The following MORN1 variants were observed in gnomAD, a reference collection of about 807,000 sequenced individuals.
The protein encoded by MORN1 is MORN repeat containing 1, also known as MORN repeat-containing protein 1.
Under a neutral mutation model 61.9 loss-of-function variants are expected in MORN1, and 67 were observed. The observed-to-expected ratio is 1.08, with a 90% CI of 0.89 to 1.33. MORN1 has a LOEUF of 1.33. MORN1 is among the 40% of genes most tolerant of loss of function. The probability of loss-of-function intolerance (pLI) is 0.00; values close to 1 mark genes in which losing one functional copy is unlikely to be tolerated. For synonymous variants in MORN1, 301 were observed against 292.0 expected, an observed-to-expected ratio of 1.03 and a Z score of -0.31; for missense variants, 752 against 691.2, an observed-to-expected ratio of 1.09 and a Z score of -0.99.
chr1:2,326,511 G>C (rs1641029387), intron 12 of MORN1: 1 of 152,382 alleles, frequency 6.6e-6, no homozygotes, highest in South Asian at 2.1e-4. Flanking sequence ...CAGACGGCGA[G>C]CAGGCCCGAG....
intron 10 of MORN1, among the ~76,000 whole-genome samples, chr1:2,347,265 G>C (rs2100279919): frequency 6.6e-6 from 1 of 152,308 alleles, no homozygotes; most frequent in South Asian, 2.1e-4. Flanking sequence ...GGCTGCGACT[G>C]TGTGCCAGTG....
chr1:2,388,622 TTTAAA>T (rs1642562859), intron 2 of MORN1: 1 of 356,242 alleles, frequency 2.8e-6, no homozygotes. Context: ...TACACAAAAT[TTTAAA>T]AATTAGCCAG....
chr1:2,365,996 T>A (rs1641987382), intron 8 of MORN1, among the ~76,000 whole-genome samples: 1 of 146,604 alleles, frequency 6.8e-6, no homozygotes, highest in African/African-American at 2.5e-5. Context: ...CAAAGGACTA[T>A]AAATCATGCT....
At chr1:2,356,463 G>C (rs1231990505) in intron 10 of MORN1, among the ~76,000 whole-genome samples, 1 of 152,156 alleles carries the variant, frequency 6.6e-6, no homozygotes, top group Admixed American at 6.5e-5. Context: ...TGCGGCCTGT[G>C]TCCTCCCCAA....
chr1:2,324,347 C>T (rs1220858476), intron 12 of MORN1, among the ~76,000 whole-genome samples: 7 of 152,198 alleles, frequency 4.6e-5, no homozygotes, highest in Admixed American at 2.0e-4. Flanking sequence ...ACCTCGGAAC[C>T]GTGGGCTGCC....
intron 8 of MORN1, among the ~76,000 whole-genome samples, chr1:2,364,610 G>T (rs561390008): frequency 6.6e-6 from 1 of 150,890 alleles, no homozygotes; most frequent in South Asian, 2.1e-4. Flanking sequence ...ATTGCTTTCG[G>T]TGTTTTAGAC....
At chr1:2,356,530 G>A (rs1328186412) in intron 10 of MORN1, among the ~76,000 whole-genome samples, 1 of 152,154 alleles carries the variant, frequency 6.6e-6, no homozygotes, top group East Asian at 1.9e-4. Context: ...GCTGTCAGCT[G>A]GGCCCTCTTC....
At chr1:2,342,866 T>A (rs377145629) in intron 10 of MORN1, among the ~76,000 whole-genome samples, 135 of 81,064 alleles carry the variant, frequency 1.7e-3, no homozygotes, top group Middle Eastern at 4.8e-3. Context: ...TATTTTATTT[T>A]ATTTATTTTA....
chr1:2,355,036 C>T, intron 10 of MORN1: 1 of 421,540 alleles, frequency 2.4e-6, no homozygotes, highest in South Asian at 9.7e-5. Flanking sequence ...GGGGGAGGCC[C>T]CCCAGGTAGG....
intron 12 of MORN1, chr1:2,332,809 CGAG>C: frequency 2.3e-6 from 1 of 443,040 alleles, no homozygotes; most frequent in South Asian, 1.6e-5. Context: ...TGTGCGGAGA[CGAG>C]GGGAGAAGCC....
intron 13 of MORN1, chr1:2,323,748 C>T (rs887045471): frequency 1.0e-6 from 1 of 985,258 alleles, no homozygotes; most frequent in Admixed American, 6.2e-5. Context: ...ATGGTTCAGC[C>T]ACTGTGGGCC....
At chr1:2,342,567 C>T (rs1466205070) in intron 10 of MORN1, among the ~76,000 whole-genome samples, 1 of 152,180 alleles carries the variant, frequency 6.6e-6, no homozygotes, top group African/African-American at 2.4e-5. Context: ...AGCGGGAACA[C>T]GCGGGGGCAC....
chr1:2,356,614 C>T (rs1386873149), intron 10 of MORN1, among the ~76,000 whole-genome samples: 2 of 152,218 alleles, frequency 1.3e-5, no homozygotes, highest in African/African-American at 4.8e-5. Flanking sequence ...TTTACTGAGC[C>T]TTGGGGTGCA....
intron 12 of MORN1, among the ~76,000 whole-genome samples, chr1:2,333,449 C>T (rs527250260): frequency 2.2e-4 from 34 of 152,306 alleles, no homozygotes; most frequent in African/African-American, 7.5e-4. Flanking sequence ...GGCCTGGAGA[C>T]GCTGGAACAA....
chr1:2,338,809 C>T (rs1479158344), intron 10 of MORN1, among the ~76,000 whole-genome samples: 2 of 152,200 alleles, frequency 1.3e-5, no homozygotes, highest in Non-Finnish European at 2.9e-5. Flanking sequence ...ATCACAATGG[C>T]TGGTGCCAGG....
intron 12 of MORN1, among the ~76,000 whole-genome samples, chr1:2,335,325 G>A (rs1361925675): frequency 3.9e-5 from 6 of 152,174 alleles, no homozygotes; most frequent in African/African-American, 1.4e-4. Flanking sequence ...CCCACCCCCG[G>A]CGGAAGCAGG....
intron 6 of MORN1, among the ~76,000 whole-genome samples, chr1:2,379,947 C>A (rs1415313612): frequency 6.6e-6 from 1 of 152,238 alleles, no homozygotes; most frequent in Non-Finnish European, 1.5e-5. Flanking sequence ...ACAGCAGCAT[C>A]ACCCACAGGA....
intron 12 of MORN1, among the ~76,000 whole-genome samples, chr1:2,329,335 A>G (rs1188491471): frequency 1.3e-5 from 2 of 152,156 alleles, no homozygotes; most frequent in South Asian, 2.1e-4. Flanking sequence ...TCAACCTTTA[A>G]AAGTTTCTAA....
intron 11 of MORN1, 47 bp downstream of exon 11, chr1:2,336,670 A>T (rs1323419900): frequency 6.4e-7 from 1 of 1,558,964 alleles, no homozygotes; most frequent in Non-Finnish European, 8.7e-7. Flanking sequence ...GGGCAGGGAT[A>T]GTCTGAGTGA....
Sources: gnomAD v4.1 joint callset for allele counts (sites outside exome capture counted in the v4.1 genomes callset) on GRCh38, gnomAD v4.1.1 for gene constraint, MANE v1.5 for transcripts, NCBI Gene and HGNC (gene_info 2026-07-23, HGNC 2026-07-21) for gene names.